The following CA10 variants were observed in gnomAD, a reference collection of about 807,000 sequenced individuals.
CA10 encodes carbonic anhydrase-related protein 10.
Under a neutral mutation model 44.2 loss-of-function variants are expected in CA10, and 14 were observed. That is an observed-to-expected ratio of 0.32 (90% CI 0.21 to 0.50). CA10 has a LOEUF of 0.50. Ranked by LOEUF, CA10 falls within the 20% of genes least tolerant of loss-of-function variation. The pLI is 0.99. For synonymous variants in CA10, 159 were observed against 141.6 expected (o/e 1.12, Z -0.87); for missense variants, 350 against 409.7 (o/e 0.85, Z 1.26).
intron 2 of CA10, among the ~76,000 whole-genome samples, chr17:51,953,914 A>G (rs1403675094): frequency 6.6e-6 from 1 of 152,184 alleles, no homozygotes; most frequent in Non-Finnish European, 1.5e-5. Context: ...GTACCTGGCA[A>G]TTGCTCAGTG....
rs554836477 is a variant in CA10 at position 51,659,121 on chromosome 17, G to C, written c.466-5385C>G. On this transcript the variant is annotated intron_variant, in intron 4 of 8. Coordinates refer to ENST00000451037, the MANE Select transcript of CA10 (RefSeq NM_020178.5). Reference sequence around the variant, plus strand: ...GTGCTTCTAGAAGATATTAGCATTTGAATCAGTAGGCTGAGTAAAGAAGAT... The same window carrying C: ...GTGCTTCTAGAAGATATTAGCATTTCAATCAGTAGGCTGAGTAAAGAAGAT... 4.6e-5 allele frequency among the ~76,000 whole-genome samples: 7 copies of C among 152,330 alleles called. No homozygotes were observed. The South Asian group carries it at 1.2e-3, about 27-fold the overall frequency.
chr17:52,065,395 G>A (rs1987507177), intron 2 of CA10, among the ~76,000 whole-genome samples: 1 of 152,136 alleles, frequency 6.6e-6, no homozygotes, highest in African/African-American at 2.4e-5. Context: ...TCAAGCCTTT[G>A]TCTTTTTCTT....
chr17:52,101,616 A>G (rs1988542041), intron 1 of CA10, among the ~76,000 whole-genome samples: 1 of 152,184 alleles, frequency 6.6e-6, no homozygotes, highest in Non-Finnish European at 1.5e-5. Flanking sequence ...CCATTTCACC[A>G]ATAAAAAATT....
chr17:51,974,497 A>G (rs866402642), intron 2 of CA10, among the ~76,000 whole-genome samples: 2 of 151,952 alleles, frequency 1.3e-5, no homozygotes, highest in Non-Finnish European at 2.9e-5. Context: ...CATACAAACT[A>G]AAACAAAACA....
chr17:52,016,836 C>T (rs1985983497), intron 2 of CA10, among the ~76,000 whole-genome samples: 1 of 152,094 alleles, frequency 6.6e-6, no homozygotes, highest in African/African-American at 2.4e-5. Context: ...TTGCTTGAAA[C>T]CAGTAGGTGG....
intron 1 of CA10, among the ~76,000 whole-genome samples, chr17:52,143,955 T>C (rs5010295): frequency 0.21 from 32,678 of 152,174 alleles, 3,713 homozygotes; most frequent in East Asian, 0.32. Context: ...TGGTTTCCCT[T>C]TTATGCCTTT....
At chr17:52,098,344 C>T (rs1191681931) in intron 1 of CA10, among the ~76,000 whole-genome samples, 1 of 152,226 alleles carries the variant, frequency 6.6e-6, no homozygotes, top group Non-Finnish European at 1.5e-5. Context: ...AAGGCCTGGG[C>T]TGGGGCCTGA....
At chr17:51,910,428 C>A (rs140672489) in intron 3 of CA10, among the ~76,000 whole-genome samples, 32 of 152,238 alleles carry the variant, frequency 2.1e-4, no homozygotes, top group African/African-American at 6.7e-4. Context: ...TCCTTCTACC[C>A]TGCCTCATTC....
At chr17:51,706,953 G>T (rs1224156335) in intron 4 of CA10, among the ~76,000 whole-genome samples, 1 of 152,082 alleles carries the variant, frequency 6.6e-6, no homozygotes, top group African/African-American at 2.4e-5. Flanking sequence ...CACACTGGAC[G>T]CCTTTTCCTA....
At chr17:51,812,130 C>T (rs573708383) in intron 3 of CA10, among the ~76,000 whole-genome samples, 1 of 152,134 alleles carries the variant, frequency 6.6e-6, no homozygotes, top group East Asian at 1.9e-4. Context: ...CACTAATATG[C>T]GGAAGCCCAC....
At chr17:51,661,635 A>G (rs1292422158) in intron 4 of CA10, 2 of 152,264 alleles carry the variant, frequency 1.3e-5, no homozygotes, top group African/African-American at 4.8e-5. Context: ...TAGATAATAC[A>G]GCCTTCAGCT....
chr17:52,007,753 A>G (rs1985650864), intron 2 of CA10, among the ~76,000 whole-genome samples: 1 of 151,396 alleles, frequency 6.6e-6, no homozygotes, highest in Non-Finnish European at 1.5e-5. Context: ...GCCTCATAAA[A>G]TGAATTGGGT....
intron 3 of CA10, among the ~76,000 whole-genome samples, chr17:51,796,053 T>C (rs1685196646): frequency 6.6e-6 from 1 of 152,166 alleles, no homozygotes; most frequent in African/African-American, 2.4e-5. Flanking sequence ...ATAGCAGCAG[T>C]GAGACTGGAA....
At chr17:51,775,398 G>T (rs543330509) in intron 3 of CA10, among the ~76,000 whole-genome samples, 1 of 152,120 alleles carries the variant, frequency 6.6e-6, no homozygotes, top group Non-Finnish European at 1.5e-5. Context: ...TAAAGCTAAC[G>T]TTTTGGCTTT....
At chr17:51,723,484 G>A (rs1916416242) in intron 4 of CA10, among the ~76,000 whole-genome samples, 1 of 152,118 alleles carries the variant, frequency 6.6e-6, no homozygotes, top group Non-Finnish European at 1.5e-5. Context: ...GTGGTGATGG[G>A]TACCATGCAG....
At chr17:51,764,036 A>G (rs1012014483) in intron 3 of CA10, among the ~76,000 whole-genome samples, 1 of 151,526 alleles carries the variant, frequency 6.6e-6, no homozygotes, top group Non-Finnish European at 1.5e-5. Context: ...TAAAAAAAAA[A>G]AAACTCTACA....
intron 2 of CA10, among the ~76,000 whole-genome samples, chr17:52,050,991 GGGAAGGAAGGAA>G (rs528583103): frequency 1.4e-4 from 21 of 148,456 alleles, no homozygotes; most frequent in Non-Finnish European, 3.0e-4. Flanking sequence ...AGAAAAAAAA[GGGAAGGAAGGAA>G]GGAAGGAAGG....
rs148231981 is a variant in CA10 at position 52,147,188 on chromosome 17, G to A, written c.61+10538C>T. On this transcript the variant is annotated intron_variant, in intron 1 of 8. Transcript: ENST00000451037. ...TTTAGTAAACAAAAATTTGGTCTAT[G>A]GGGAATAATTTTTTTCCTAATTTTT... Among the ~76,000 whole-genome samples the A allele has an allele frequency of 5.4e-3, 822 of 152,160 alleles. 9 individuals are homozygous for A. The highest frequency in any genetic ancestry group is 0.019 in the African/African-American group (780 of 41,514).
chr17:52,014,792 CCAAG>C (rs1985916670), intron 2 of CA10, among the ~76,000 whole-genome samples: 1 of 151,690 alleles, frequency 6.6e-6, no homozygotes, highest in Non-Finnish European at 1.5e-5. Context: ...TAGAAGATAC[CCAAG>C]CAAGTAACTA....
Sources: allele counts gnomAD v4.1 joint callset (sites outside exome capture counted in the v4.1 genomes callset), GRCh38; gene constraint gnomAD v4.1.1; transcripts MANE v1.5; gene names NCBI Gene and HGNC (gene_info 2026-07-23, HGNC 2026-07-21).